The following WWP2 variants were observed in gnomAD, a reference collection of about 807,000 sequenced individuals.
WWP2 encodes the protein WW domain containing E3 ubiquitin protein ligase 2.
WWP2 carries 57 observed loss-of-function variants against 121.0 expected under a neutral mutation model. The observed-to-expected ratio is 0.47, with a 90% CI of 0.38 to 0.59. The LOEUF is 0.59. WWP2 is among the 20% of genes least tolerant of loss of function. The pLI is 0.00. For missense variants in WWP2, 962 were observed against 1,158.9 expected, an observed-to-expected ratio of 0.83 and a Z score of 2.47; for synonymous variants, 449 against 441.3, an observed-to-expected ratio of 1.02 and a Z score of -0.22.
At chr16:69,877,941 G>A (rs1159771343) in intron 7 of WWP2, among the ~76,000 whole-genome samples, 1 of 152,080 alleles carries the variant, frequency 6.6e-6, no homozygotes, top group African/African-American at 2.4e-5. Flanking sequence ...CCCAGTAGCT[G>A]GGATTATAGG....
chr16:69,829,304 A>G (rs1368986975), intron 4 of WWP2, among the ~76,000 whole-genome samples: 3 of 152,226 alleles, frequency 2.0e-5, no homozygotes, highest in Middle Eastern at 3.4e-3. Context: ...CAGAATGATT[A>G]TTAATCCAGC....
intron 4 of WWP2, among the ~76,000 whole-genome samples, chr16:69,809,628 C>T (rs916406147): frequency 6.6e-6 from 1 of 151,968 alleles, no homozygotes; most frequent in African/African-American, 2.4e-5. Context: ...ATTAGCTGGA[C>T]GTGGTGGTGT....
intron 2 of WWP2, among the ~76,000 whole-genome samples, chr16:69,792,247 A>C (rs1343514514): frequency 6.6e-6 from 1 of 152,198 alleles, no homozygotes; most frequent in Non-Finnish European, 1.5e-5. Context: ...ATATTTTACT[A>C]GAGAAACACT....
At chr16:69,785,610 C>T (rs926086585) in intron 1 of WWP2, among the ~76,000 whole-genome samples, 1 of 151,292 alleles carries the variant, frequency 6.6e-6, no homozygotes, top group African/African-American at 2.4e-5. Flanking sequence ...CACCTCATGG[C>T]GAATGATGCT....
chr16:69,827,530 A>G (rs1567688887), intron 4 of WWP2, among the ~76,000 whole-genome samples: 1 of 152,274 alleles, frequency 6.6e-6, no homozygotes, highest in African/African-American at 2.4e-5. Context: ...ACTCCAATGT[A>G]TACAAGGGAA....
intron 12 of WWP2, among the ~76,000 whole-genome samples, 157 bp downstream of exon 12, chr16:69,929,686 C>T (rs1877947598): frequency 6.6e-6 from 1 of 152,228 alleles, no homozygotes; most frequent in Non-Finnish European, 1.5e-5. Context: ...TACAGATACA[C>T]TGTTGGCCTG....
intron 1 of WWP2, among the ~76,000 whole-genome samples, chr16:69,762,840 TC>T (rs1466830647): frequency 6.6e-6 from 1 of 152,122 alleles, no homozygotes; most frequent in Non-Finnish European, 1.5e-5. Context: ...TGAGAGTCTC[TC>T]CCTTCCTTCC....
At chr16:69,857,059 C>T in intron 6 of WWP2, among the ~76,000 whole-genome samples, 1 of 151,942 alleles carries the variant, frequency 6.6e-6, no homozygotes, top group East Asian at 1.9e-4. Flanking sequence ...TTGTTAATTT[C>T]TGTCTGTCCT....
At chr16:69,894,170 G>A (rs1038891867) in intron 8 of WWP2, among the ~76,000 whole-genome samples, 6 of 150,656 alleles carry the variant, frequency 4.0e-5, no homozygotes, top group Admixed American at 3.3e-4. Flanking sequence ...CAAATTCCAA[G>A]GCTCAAGTAA....
At position 69,934,005 on chromosome 16, in the gene WWP2, A is replaced by C; in HGVS notation, c.1718A>C (p.Asn573Thr). 1 of 1,614,088 alleles carries C rather than the reference A, an allele frequency of 6.2e-7. No homozygotes were observed. Among genetic ancestry groups the C allele is most frequent in the Non-Finnish European group, 8.5e-7 (1 of 1,179,980 alleles). Residue 573 changes from asparagine to threonine, a missense_variant, in exon 17 of 24, where the codon AAC (asparagine) becomes ACC (threonine). Asn to Thr is a moderately conservative substitution (Grantham distance 65, BLOSUM62 0). Around this residue, in one of 3 missense-constraint regions of WWP2, gnomAD observed 606 missense variants for 772.6 expected, o/e 0.78. Coordinates refer to ENST00000359154, the MANE Select transcript of WWP2 (RefSeq NM_001270454.2). Reference protein sequence around the residue: ...WFFLLSHEVLNPMYCLFEYAG... With the variant: ...WFFLLSHEVLTPMYCLFEYAG... ...TTCCTCCTGTCTCATGAGGTGCTCA[A>C]CCCTATGTATTGTTTATTTGAATAT...
intron 1 of WWP2, among the ~76,000 whole-genome samples, chr16:69,769,316 C>CAAAA (rs1186524809): frequency 5.2e-5 from 4 of 76,372 alleles, no homozygotes; most frequent in Non-Finnish European, 8.0e-5. Context: ...GACTCCATCT[C>CAAAA]AAAAAAAAAA....
At chr16:69,812,328 G>C (rs1463084577) in intron 4 of WWP2, among the ~76,000 whole-genome samples, 2 of 151,380 alleles carry the variant, frequency 1.3e-5, no homozygotes, top group East Asian at 3.9e-4. Flanking sequence ...ATCATGCCCA[G>C]CTAATTTTTG....
intron 6 of WWP2, among the ~76,000 whole-genome samples, chr16:69,842,477 C>T (rs963485754): frequency 6.6e-5 from 10 of 151,886 alleles, no homozygotes; most frequent in African/African-American, 2.4e-4. Flanking sequence ...ATTCTTGCTC[C>T]TCTCCCTCCT....
intron 10 of WWP2, among the ~76,000 whole-genome samples, chr16:69,918,843 T>C (rs1246682805): frequency 6.7e-6 from 1 of 150,366 alleles, no homozygotes; most frequent in East Asian, 1.9e-4. Context: ...TTCCTTTTCT[T>C]TCTTTTTTTT....
chr16:69,852,494 G>A (rs1187267426), intron 6 of WWP2, among the ~76,000 whole-genome samples: 5 of 152,068 alleles, frequency 3.3e-5, no homozygotes, highest in African/African-American at 4.8e-5. Flanking sequence ...GGTTGGTCTC[G>A]AACTCCTGAC....
intron 4 of WWP2, among the ~76,000 whole-genome samples, chr16:69,802,447 C>A (rs769639010): frequency 5.9e-5 from 9 of 152,172 alleles, no homozygotes; most frequent in Non-Finnish European, 1.3e-4. Context: ...AGCTACCGCT[C>A]TACTTTCTGC....
At chr16:69,934,200 G>T in intron 17 of WWP2, 71 bp downstream of exon 17, 1 of 1,561,642 alleles carries the variant, frequency 6.4e-7, no homozygotes, top group South Asian at 1.1e-5. Context: ...GGTGAAGTGT[G>T]CCAGGGGCAC....
intron 4 of WWP2, among the ~76,000 whole-genome samples, chr16:69,827,532 A>G (rs1044523682): frequency 3.9e-5 from 6 of 152,384 alleles, no homozygotes; most frequent in African/African-American, 9.6e-5. Flanking sequence ...TCCAATGTAT[A>G]CAAGGGAATT....
chr16:69,939,904 T>C lies in WWP2; in HGVS notation c.2577T>C (p.Tyr859=). 6.2e-7 allele frequency: 1 copy of C among 1,613,944 alleles called. No individual in the cohort carries two copies. The highest frequency in any genetic ancestry group is 8.5e-7 in the Non-Finnish European group (1 of 1,179,932). Residue 859 remains tyrosine, a synonymous_variant, in exon 24 of 24, where the codon TAT becomes TAC. Transcript: ENST00000359154. The part of the protein sequence containing the change: ...SYEQLREKLL[Y]AIEETEGFGQ... ...AACAGCTGAGAGAGAAGCTGCTGTATGCCATTGAGGAGACCGAGGGCTTTG... is the reference window on the plus strand; with the variant it reads ...AACAGCTGAGAGAGAAGCTGCTGTACGCCATTGAGGAGACCGAGGGCTTTG...
Sources: gnomAD v4.1 joint callset for allele counts (sites outside exome capture counted in the v4.1 genomes callset) on GRCh38, gnomAD v4.1.1 for gene constraint, gnomAD v4.1.1 regional missense constraint, MANE v1.5 for transcripts, NCBI Gene and HGNC (gene_info 2026-07-23, HGNC 2026-07-21) for gene names.